ZNF717: variants seen among roughly 807,000 people sequenced by gnomAD.
ZNF717 encodes krueppel-like factor X17.
Under a neutral mutation model 13.8 loss-of-function variants are expected in ZNF717, and 9 were observed. That is an observed-to-expected ratio of 0.65 (90% CI 0.39 to 1.14). The LOEUF (loss-of-function observed/expected upper bound fraction) is 1.14. Among genes scored for constraint, ZNF717 ranks in the 50% most tolerant of loss-of-function variants. The pLI, the probability that ZNF717 is intolerant of heterozygous loss-of-function variation, is 0.01. For synonymous variants in ZNF717, 327 were observed against 364.1 expected (o/e 0.90, Z 1.16); for missense variants, 1,040 against 1,080.7 (o/e 0.96, Z 0.53).
exon 6 of ZNF717, chr3:75,710,058 T>C (rs1213409664): frequency 6.6e-6 from 1 of 152,206 alleles, no homozygotes; most frequent in African/African-American, 2.4e-5. Context: ...TTAAGTTCGA[T>C]TTTGTCTGTT....
chr3:75,751,801 CAGAT>C (rs1455808752), intron 2 of ZNF717, among the ~76,000 whole-genome samples: 1 of 151,798 alleles, frequency 6.6e-6, no homozygotes, highest in Non-Finnish European at 1.5e-5. Context: ...GTTTGTCCCT[CAGAT>C]AGGATTTGAG....
Position 75,764,646 on chromosome 3 carries a change from A to G in ZNF717, c.57+18660T>C, listed in dbSNP as rs1181496088. On this transcript the variant is annotated intron_variant, in intron 2 of 4. Coordinates refer to ENST00000652011, the MANE Select transcript of ZNF717 (RefSeq NM_001290208.3). ...AAAGATGCAAAGATGATATACAAAT[A>G]GCCAACAGATACATGAGATATATGA... is the stretch of plus-strand genomic sequence containing the variant. Among the ~76,000 whole-genome samples, 8 of 152,342 alleles carry G rather than the reference A, an allele frequency of 5.3e-5. No individual in the cohort carries two copies. In the East Asian group the frequency reaches 1.4e-3, roughly 26 times the overall value.
intron 2 of ZNF717, among the ~76,000 whole-genome samples, chr3:75,771,583 C>T (rs1943873211): frequency 6.6e-6 from 1 of 152,258 alleles, no homozygotes; most frequent in Non-Finnish European, 1.5e-5. Context: ...ACAAGCAAGG[C>T]ACCTGCAAGG....
At chr3:75,706,327 A>G (rs1575713458), downstream of ZNF717, among the ~76,000 whole-genome samples, 1 of 152,308 alleles carries the variant, frequency 6.6e-6, no homozygotes, top group Non-Finnish European at 1.5e-5. Flanking sequence ...TGCTTCTGAT[A>G]TCTGCAGGAA....
Position 75,737,869 on chromosome 3 carries a change from T to G in ZNF717, c.1754A>C (p.His585Pro). 3 of 1,546,840 alleles carry G rather than the reference T, an allele frequency of 1.9e-6. No homozygotes were observed. The highest frequency in any genetic ancestry group is 2.0e-5 in the Admixed American group (1 of 50,668). ...KSFLTIHQRT[H>P]AGKKPYECNE... ...ACATTCATAGGGTTTTTTGCCAGCA[T>G]GAGTTCTCTGATGTATAGTTAGGAA... is the stretch of plus-strand genomic sequence containing the variant. The change falls in exon 5 of 5, where the codon CAT becomes CCT. Residue 585 changes from histidine to proline, a missense_variant. Coordinates refer to ENST00000652011, the MANE Select transcript of ZNF717 (RefSeq NM_001290208.3).
At chr3:75,771,352 C>T (rs1336399468) in intron 2 of ZNF717, among the ~76,000 whole-genome samples, 8 of 152,244 alleles carry the variant, frequency 5.3e-5, no homozygotes, top group Admixed American at 1.3e-4. Context: ...TGTAGCTGTG[C>T]TGGAGTCTCA....
intron 2 of ZNF717, among the ~76,000 whole-genome samples, chr3:75,774,352 G>A (rs1236847546): frequency 6.6e-6 from 1 of 152,032 alleles, no homozygotes; most frequent in Non-Finnish European, 1.5e-5. Flanking sequence ...AACATCAAGT[G>A]TTTAAACCTT....
At chr3:75,717,751 T>C (rs1257101742) in intron 4 of ZNF717, among the ~76,000 whole-genome samples, 1 of 152,216 alleles carries the variant, frequency 6.6e-6, no homozygotes, top group Non-Finnish European at 1.5e-5. Context: ...TCTCCTTACC[T>C]GCACAGCTAG....
At chr3:75,751,348 G>A (rs1305361934) in intron 2 of ZNF717, among the ~76,000 whole-genome samples, 2,762 of 139,566 alleles carry the variant, frequency 0.02, 44 homozygotes, top group Non-Finnish European at 0.03. Flanking sequence ...GCACTGCTAG[G>A]AGCATCTGAA....
At chr3:75,748,097 A>T (rs1379278830) in intron 2 of ZNF717, among the ~76,000 whole-genome samples, 1 of 152,212 alleles carries the variant, frequency 6.6e-6, no homozygotes, top group Non-Finnish European at 1.5e-5. Context: ...ATCTAGAAGA[A>T]ATGGATAAAT....
At chr3:75,721,532 C>T (rs1466414974) in intron 4 of ZNF717, among the ~76,000 whole-genome samples, 18 of 152,212 alleles carry the variant, frequency 1.2e-4, no homozygotes, top group African/African-American at 4.3e-4. Context: ...CTGCCCGCCT[C>T]AGCCTCCCAA....
chr3:75,720,361 C>T lies in ZNF717; in HGVS notation n.545-3820G>A, dbSNP rs77901876. ...CAACATGGATGCATCTGGAGCCCAT[C>T]ATCCCAAGCAACTTAATGCAGAAAC... On this transcript the variant is annotated intron_variant and non_coding_transcript_variant, in intron 4 of 5. Transcript: ENST00000491507. 5.3e-5 allele frequency among the ~76,000 whole-genome samples: 8 copies of T among 152,244 alleles called. No individual in the cohort carries two copies. In the South Asian group the frequency reaches 1.7e-3, roughly 32 times the overall value.
chr3:75,743,435 C>T (rs2107234152), intron 2 of ZNF717, among the ~76,000 whole-genome samples: 1 of 152,232 alleles, frequency 6.6e-6, no homozygotes, highest in South Asian at 2.1e-4. Context: ...TATACACTGG[C>T]ATTTCAAAAT....
downstream of ZNF717, chr3:75,735,778 A>G (rs1362193908): frequency 1.6e-3 from 237 of 151,792 alleles, no homozygotes; most frequent in African/African-American, 5.4e-3. Context: ...TGGCAAAATT[A>G]ATCCAACTGT....
In ZNF717 at chr3:75,741,455, G is replaced by C. The variant is rs879248213; in HGVS notation, c.185-87C>G. ...ACGACAGCTGGGCTTCAGGGACTGTGCAATGAAGGAGCCAATTTGAACATT... is the reference window on the plus strand; with the variant it reads ...ACGACAGCTGGGCTTCAGGGACTGTCCAATGAAGGAGCCAATTTGAACATT... On this transcript the variant is annotated intron_variant, in intron 3 of 4. Transcript: ENST00000652011. 5.1e-5 allele frequency: 69 copies of C among 1,362,402 alleles called. No homozygotes were observed. The South Asian group carries it at 8.2e-4, about 16-fold the overall frequency. The allele number at this position is 1,362,402 out of a possible 1,614,324, so 84.4% of individuals were successfully genotyped here. A position where few individuals can be genotyped will look rare whatever the true frequency, so the allele number is the denominator to read the frequency against.
chr3:75,722,163 G>A (rs1938181624), intron 4 of ZNF717, among the ~76,000 whole-genome samples: 1 of 151,888 alleles, frequency 6.6e-6, no homozygotes, highest in African/African-American at 2.4e-5. Context: ...GGGAGGCTGA[G>A]GCCAGAGAAT....
Position 75,736,287 on chromosome 3 carries a change from C to G in ZNF717, c.*591G>C, listed in dbSNP as rs1169220295. On this transcript the variant is annotated 3_prime_UTR_variant, in exon 5 of 5. Coordinates refer to ENST00000652011, the MANE Select transcript of ZNF717 (RefSeq NM_001290208.3). ...ATGTGTTCAATTGAAAAGAAGTGTG[C>G]ACACCTGTCACTTCAAATCAAAAGG... The G allele has an allele frequency of 1.3e-5, 2 of 153,378 alleles. No individual in the cohort carries two copies. The highest frequency in any genetic ancestry group is 2.9e-5 in the Non-Finnish European group (2 of 68,912). 9.5% of individuals were successfully genotyped at this position (153,378 alleles called of 1,614,324 possible).
intron 4 of ZNF717, among the ~76,000 whole-genome samples, chr3:75,719,376 G>A (rs1419702582): frequency 1.3e-5 from 2 of 151,948 alleles, no homozygotes; most frequent in Non-Finnish European, 2.9e-5. Context: ...AGAAACTAAT[G>A]TATAACCTAG....
intron 5 of ZNF717, chr3:75,730,686 C>A: frequency 1.5e-6 from 1 of 686,896 alleles, no homozygotes; most frequent in Non-Finnish European, 2.6e-6. Flanking sequence ...CCAAATGAAC[C>A]TAAGAGAATG....
Sources: gnomAD v4.1 joint callset for allele counts (sites outside exome capture counted in the v4.1 genomes callset) on GRCh38, gnomAD v4.1.1 for gene constraint, MANE v1.5 for transcripts, NCBI Gene and HGNC (gene_info 2026-07-23, HGNC 2026-07-21) for gene names.